NBAS: variants seen among roughly 807,000 people sequenced by gnomAD.
The protein encoded by NBAS is NBAS subunit of NRZ tethering complex.
Under a neutral mutation model 302.5 loss-of-function variants are expected in NBAS, and 219 were observed. The ratio of observed to expected loss-of-function variants is 0.72; its 90% CI spans 0.65 to 0.81. NBAS has a LOEUF of 0.81. Among genes scored for constraint, NBAS ranks in the 30% least tolerant of loss-of-function variants. The pLI, the probability that NBAS is intolerant of heterozygous loss-of-function variation, is 0.00. For missense variants in NBAS, 2,932 were observed against 2,841.6 expected, an observed-to-expected ratio of 1.03 and a Z score of -0.72; for synonymous variants, 1,118 against 1,021.6, an observed-to-expected ratio of 1.09 and a Z score of -1.80.
intron 19 of NBAS, among the ~76,000 whole-genome samples, chr2:15,466,321 T>C (rs1450657291): frequency 1.3e-5 from 2 of 152,106 alleles, no homozygotes; most frequent in Non-Finnish European, 1.5e-5. Context: ...GAACACAGAC[T>C]AAGAAAGTAA....
chr2:15,490,399 G>T lies in NBAS; in HGVS notation c.955-1377C>A, dbSNP rs372992127. Among the ~76,000 whole-genome samples, 6 of 152,068 alleles carry T rather than the reference G, an allele frequency of 3.9e-5. No homozygotes were observed. In the East Asian group the frequency reaches 7.7e-4, roughly 19 times the overall value. On this transcript the variant is annotated intron_variant, in intron 11 of 51. Transcript: ENST00000281513. ...TAATCCCAGAATCCCACAATTAAAT[G>T]TAAGATTGAAATACAAATGCTTGAA...
chr2:15,186,680 C>T, intron 50 of NBAS, 62 bp downstream of exon 50: 1 of 1,608,832 alleles, frequency 6.2e-7, no homozygotes, highest in East Asian at 2.2e-5. Context: ...GGATTGCTTA[C>T]AATAAAGAGT....
chr2:15,523,286 G>T (rs1460475580), intron 9 of NBAS, among the ~76,000 whole-genome samples: 1 of 152,112 alleles, frequency 6.6e-6, no homozygotes, highest in African/African-American at 2.4e-5. Context: ...CCATAGCCAT[G>T]GGTTCTGCAC....
At chr2:15,157,291 A>G in the NBAS span, among the ~76,000 whole-genome samples, 2 of 152,224 alleles carry the variant, frequency 1.3e-5, no homozygotes, top group African/African-American at 4.8e-5. Flanking sequence ...AGGACCCACA[A>G]GGTGACTTGT....
At chr2:15,051,439 G>A in the NBAS span, among the ~76,000 whole-genome samples, 1 of 152,154 alleles carries the variant, frequency 6.6e-6, no homozygotes, top group Non-Finnish European at 1.5e-5. Context: ...ATTTTAAGGT[G>A]GACACACCTG....
At chr2:14,959,315 C>A in the NBAS span, among the ~76,000 whole-genome samples, 1 of 152,182 alleles carries the variant, frequency 6.6e-6, no homozygotes, top group Non-Finnish European at 1.5e-5. Flanking sequence ...GAAGAATCAT[C>A]GTATTAACCC....
At chr2:14,981,500 A>G in the NBAS span, among the ~76,000 whole-genome samples, 2 of 152,344 alleles carry the variant, frequency 1.3e-5, no homozygotes, top group South Asian at 4.1e-4. Context: ...GACACAGACA[A>G]CTAGCTATTC....
At chr2:15,270,617 GT>G (rs2148040815) in intron 44 of NBAS, among the ~76,000 whole-genome samples, 1 of 152,194 alleles carries the variant, frequency 6.6e-6, no homozygotes, top group South Asian at 2.1e-4. Flanking sequence ...AACCACTTAA[GT>G]ATAAAGTACC....
chr2:15,329,694 C>G (rs1255526552), intron 36 of NBAS, among the ~76,000 whole-genome samples: 1 of 152,150 alleles, frequency 6.6e-6, no homozygotes, highest in Non-Finnish European at 1.5e-5. Flanking sequence ...ACACTGGCCC[C>G]TTTTATGTTC....
At chr2:15,445,707 C>T (rs1387762620) in intron 21 of NBAS, among the ~76,000 whole-genome samples, 2 of 151,246 alleles carry the variant, frequency 1.3e-5, no homozygotes, top group Non-Finnish European at 1.5e-5. Flanking sequence ...AAATCTACAT[C>T]CAAATTATGT....
At chr2:15,372,995 A>G (rs545005242) in intron 31 of NBAS, among the ~76,000 whole-genome samples, 1 of 152,288 alleles carries the variant, frequency 6.6e-6, no homozygotes, top group African/African-American at 2.4e-5. Context: ...CAAATCCGTA[A>G]CAGCATGGCC....
At chr2:15,135,228 G>T in the NBAS span, among the ~76,000 whole-genome samples, 244 of 152,290 alleles carry the variant, frequency 1.6e-3, 1 homozygote, top group African/African-American at 5.6e-3. Flanking sequence ...AAGGTGGCCT[G>T]GGGGGAGGCT....
the NBAS span, among the ~76,000 whole-genome samples, chr2:14,991,799 G>A: frequency 1.3e-5 from 2 of 152,204 alleles, no homozygotes; most frequent in Non-Finnish European, 2.9e-5. Context: ...GGTGGTTGGT[G>A]TACAGATTAA....
the NBAS span, among the ~76,000 whole-genome samples, chr2:14,838,123 G>A: frequency 2.0e-4 from 31 of 151,612 alleles, no homozygotes; most frequent in African/African-American, 6.8e-4. Context: ...ACCTGATAAC[G>A]CTCATTTATT....
At chr2:15,395,954 A>G (rs762213219) in intron 27 of NBAS, among the ~76,000 whole-genome samples, 4 of 152,142 alleles carry the variant, frequency 2.6e-5, no homozygotes, top group Non-Finnish European at 4.4e-5. Context: ...GCAGTTTGAC[A>G]TAATACAAAT....
chr2:14,818,730 T>C, the NBAS span, among the ~76,000 whole-genome samples: 367 of 152,296 alleles, frequency 2.4e-3, no homozygotes, highest in African/African-American at 8.1e-3. Context: ...ACAAAGCAGC[T>C]AACGGAGAAA....
At chr2:14,819,614 G>C in the NBAS span, among the ~76,000 whole-genome samples, 1 of 152,306 alleles carries the variant, frequency 6.6e-6, no homozygotes. Flanking sequence ...CTAAGTCATA[G>C]ACAAATATCT....
intron 21 of NBAS, among the ~76,000 whole-genome samples, chr2:15,449,628 T>C (rs1678912399): frequency 6.6e-6 from 1 of 152,100 alleles, no homozygotes; most frequent in African/African-American, 2.4e-5. Flanking sequence ...GAACCCATTC[T>C]ATCAAGATCT....
the NBAS span, among the ~76,000 whole-genome samples, chr2:14,904,379 T>A: frequency 6.6e-6 from 1 of 152,116 alleles, no homozygotes. Context: ...AAACCACTGA[T>A]ATAAGTCCAA....
Sources: gnomAD v4.1 joint callset for allele counts (sites outside exome capture counted in the v4.1 genomes callset) on GRCh38, gnomAD v4.1.1 for gene constraint, MANE v1.5 for transcripts, NCBI Gene and HGNC (gene_info 2026-07-23, HGNC 2026-07-21) for gene names.